MLLT6: variants seen among roughly 807,000 people sequenced by gnomAD.
MLLT6 encodes the protein protein AF-17.
MLLT6 carries 22 observed loss-of-function variants against 103.0 expected under a neutral mutation model. The ratio of observed to expected loss-of-function variants is 0.21; its 90% CI spans 0.15 to 0.31. The LOEUF (loss-of-function observed/expected upper bound fraction) is 0.31, where lower values mean the gene tolerates loss of function less well. MLLT6 is among the 10% of genes least tolerant of loss of function. MLLT6 has a pLI of 1.00. For synonymous variants in MLLT6, 606 were observed against 623.5 expected (o/e 0.97, Z 0.42); for missense variants, 1,199 against 1,441.7 (o/e 0.83, Z 2.73).
chr17:38,713,239 G>A (rs753058328), intron 8 of MLLT6: 1 of 523,058 alleles, frequency 1.9e-6, no homozygotes, highest in Non-Finnish European at 3.4e-6. Context: ...GACCAAGGTG[G>A]CATGGGGGGC....
intron 12 of MLLT6, 127 bp from the exon 13 acceptor site, chr17:38,719,390 T>C (rs1291399691): frequency 1.0e-5 from 9 of 858,558 alleles, no homozygotes; most frequent in Non-Finnish European, 1.5e-5. Flanking sequence ...GAACTGCCAG[T>C]GTGGGGTTGG....
At chr17:38,720,974 G>A (rs1905700017) in intron 16 of MLLT6, 6 of 589,644 alleles carry the variant, frequency 1.0e-5, no homozygotes, top group Non-Finnish European at 1.8e-5. Context: ...TGCTTCTTAA[G>A]ATAGGCTACC....
At position 38,727,843 on chromosome 17, in the gene MLLT6, T is replaced by C. The variant is rs1906117543; in HGVS notation, c.*2245T>C. On this transcript the variant is annotated 3_prime_UTR_variant, in exon 20 of 20. Coordinates refer to ENST00000621332, the MANE Select transcript of MLLT6 (RefSeq NM_005937.4). The stretch of plus-strand genomic sequence containing the variant: ...AACCTTCAGAGATTCTTAGAAGAGT[T>C]GCTCATTCACACCCACGCCCTTGCC... 2 of 232,920 alleles carry C rather than the reference T, an allele frequency of 8.6e-6. No homozygotes were observed. The highest frequency in any genetic ancestry group is 1.7e-5 in the Non-Finnish European group (2 of 117,898). The allele number at this position is 232,920 out of a possible 1,614,324, so 14.4% of individuals were successfully genotyped here.
rs778807032 is a variant in MLLT6 at position 38,722,658 on chromosome 17, A to T, written c.2793-20A>T. ...ATGGTCTGTGTGTTGTCCCCCCCCC[A>T]CCCCCCACCCCCACCTCAGCCTTAC... On this transcript the variant is annotated intron_variant, in intron 17 of 19. Transcript: ENST00000621332. 3.3e-5 allele frequency: 7 copies of T among 214,846 alleles called. No homozygotes were observed. The highest frequency in any genetic ancestry group is 1.6e-4 in the South Asian group (3 of 19,168). 13.3% of individuals were successfully genotyped at this position (214,846 alleles called of 1,614,324 possible). A position where few individuals can be genotyped will look rare whatever the true frequency, so the allele number is the denominator to read the frequency against.
Position 38,709,243 on chromosome 17 carries a change from G to A in MLLT6, c.425G>A (p.Arg142His), listed in dbSNP as rs961523106. 3.1e-6 allele frequency: 5 copies of A among 1,613,514 alleles called. No homozygotes were observed. The highest frequency in any genetic ancestry group is 4.2e-6 in the Non-Finnish European group (5 of 1,179,786). Residue 142 changes from arginine (R) to histidine (H), a missense_variant, in exon 5 of 20, where the codon CGC becomes CAC. Transcript: ENST00000621332. The surrounding 1 kb of genome is among the most constrained non-coding windows in gnomAD (Gnocchi z 4.3). ...AASGACMTCNRHGCRQAFHVT... is the reference protein window; with the variant it reads ...AASGACMTCNHHGCRQAFHVT... ...TCGGGAGCCTGCATGACCTGTAACC[G>A]CCATGGATGTCGACAAGCTTTCCAC...
At chr17:38,713,297 A>G in intron 8 of MLLT6, 1 of 413,824 alleles carries the variant, frequency 2.4e-6, no homozygotes, top group Non-Finnish European at 4.3e-6. Flanking sequence ...CACCATTCCC[A>G]GCAGGGCATG....
Position 38,719,756 on chromosome 17 carries a change from C to T in MLLT6, c.2016C>T (p.Pro672=), listed in dbSNP as rs763361976. ...SPQESLSSMS[P]ISSLPALFDQ... is the part of the protein sequence containing the mutation. ...AGGTTCCCTCTGGCCGCAGGTCCCC[C>T]ATCAGCAGCCTCCCCGCACTCTTCG... Residue 672 remains proline (P), a synonymous_variant, in exon 14 of 20, where the codon CCC becomes CCT. Coordinates refer to ENST00000621332, the MANE Select transcript of MLLT6 (RefSeq NM_005937.4). The T allele has an allele frequency of 1.9e-6, 3 of 1,609,422 alleles. No homozygotes were observed. The highest frequency in any genetic ancestry group is 2.7e-5 in the African/African-American group (2 of 74,806).
At chr17:38,713,471 G>C (rs1317373944) in intron 8 of MLLT6, 1 of 192,864 alleles carries the variant, frequency 5.2e-6, no homozygotes, top group African/African-American at 2.3e-5. Context: ...GGGAGATGGA[G>C]AAACTGCTCC....
Position 38,716,289 on chromosome 17 carries a change from TC to T in MLLT6, c.1037-75del, listed in dbSNP as rs1157947335. 4.1e-6 allele frequency: 6 copies of T among 1,459,930 alleles called. No individual in the cohort carries two copies. In the African/African-American group the frequency reaches 4.3e-5, roughly 10 times the overall value. The allele number at this position is 1,459,930 out of a possible 1,614,324, so 90.4% of individuals were successfully genotyped here. On this transcript the variant is annotated intron_variant, in intron 9 of 19. Coordinates refer to ENST00000621332, the MANE Select transcript of MLLT6 (RefSeq NM_005937.4). The surrounding 1 kb of genome is among the most constrained non-coding windows in gnomAD (Gnocchi z 5.6). ...TCCCCATTCGTGGACCAGAGCTCTC[TC>T]CCGCCAGTACACGCGGGAGTGGGAG...
rs767679345 is a variant in MLLT6 at position 38,726,869 on chromosome 17, C to T, written c.*1271C>T. The T allele has an allele frequency of 4.3e-6, 1 of 233,834 alleles. No individual in the cohort carries two copies. The highest frequency in any genetic ancestry group is 1.3e-3 in the Middle Eastern group (1 of 786). 14.5% of individuals were successfully genotyped at this position (233,834 alleles called of 1,614,324 possible). A position where few individuals can be genotyped will look rare whatever the true frequency, so the allele number is the denominator to read the frequency against. On this transcript the variant is annotated 3_prime_UTR_variant, in exon 20 of 20. Transcript: ENST00000621332. ...CACTAAGCTGACTAACAACTGTCCC[C>T]TCACCCACCAGCTATTTCCCCAGGG...
chr17:38,729,778 C>CAAAAAAAAAAA lies in MLLT6; in HGVS notation c.*4187_*4197dup, dbSNP rs879210230. On this transcript the variant is annotated 3_prime_UTR_variant, in exon 20 of 20. Coordinates refer to ENST00000621332, the MANE Select transcript of MLLT6 (RefSeq NM_005937.4). ...GTTCTTTTAATAAAAGAATGTTTTGCAAAAAAAAAAAAAAAAATCCGAAGA... is the reference window on the plus strand; with the variant it reads ...GTTCTTTTAATAAAAGAATGTTTTGCAAAAAAAAAAAAAAAAAAAAAAAAAAAATCCGAAGA... The CAAAAAAAAAAA allele has an allele frequency of 2.5e-4, 29 of 115,564 alleles. No individual in the cohort carries two copies. The highest frequency in any genetic ancestry group is 1.1e-3 in the African/African-American group (29 of 27,084). 7.2% of individuals were successfully genotyped at this position (115,564 alleles called of 1,614,324 possible).
Position 38,711,908 on chromosome 17 carries a change from T to TG in MLLT6, c.620dup (p.Gly208ArgfsTer42). On this transcript the variant is annotated frameshift_variant, in exon 7 of 20. Transcript: ENST00000621332. LOFTEE classifies it high-confidence loss of function. The stretch of plus-strand genomic sequence containing the variant: ...GGCGCTGGAGGAGGAGGTGGCAGCA[T>TG]GGGGGGAGGTGGCAGTGGTTTCATC... The TG allele has an allele frequency of 6.2e-7, 1 of 1,606,508 alleles. No homozygotes were observed. The highest frequency in any genetic ancestry group is 8.5e-7 in the Non-Finnish European group (1 of 1,176,128).
Position 38,724,550 on chromosome 17 carries a change from C to A in MLLT6, c.2884-70C>A. ...TGTGATGGGGTGGGGCCTGGCCAGG[C>A]AGGGCAGGCAGGCAGCAGGGAAGAG... On this transcript the variant is annotated intron_variant, in intron 18 of 19. Coordinates refer to ENST00000621332, the MANE Select transcript of MLLT6 (RefSeq NM_005937.4). This position sits in a 1 kb window ranked among gnomAD's most constrained non-coding sequence, Gnocchi z 5.4. 1 of 1,261,786 alleles carries A rather than the reference C, an allele frequency of 7.9e-7. No homozygotes were observed. The highest frequency in any genetic ancestry group is 1.1e-6 in the Non-Finnish European group (1 of 912,382). 78.2% of individuals were successfully genotyped at this position (1,261,786 alleles called of 1,614,324 possible). A position where few individuals can be genotyped will look rare whatever the true frequency, so the allele number is the denominator to read the frequency against.
In MLLT6 at chr17:38,710,668, TG is replaced by T. The variant is rs375799583; in HGVS notation, c.552+1099del. Among the ~76,000 whole-genome samples, 320 of 151,872 alleles carry T rather than the reference TG, an allele frequency of 2.1e-3. 1 individual carries two copies. Among genetic ancestry groups the T allele is most frequent in the African/African-American group, 7.2e-3 (296 of 41,384 alleles). On this transcript the variant is annotated intron_variant, in intron 6 of 19. Transcript: ENST00000621332. Reference sequence around the variant, plus strand: ...ACTGGGTAAATGGAGCTTGAATACCTGGGGGGTGCCATGAACAAGGGGTACA... The same window carrying T: ...ACTGGGTAAATGGAGCTTGAATACCTGGGGGTGCCATGAACAAGGGGTACA...
In MLLT6 at chr17:38,724,552, G is replaced by GGGCA; in HGVS notation, c.2884-58_2884-55dup. On this transcript the variant is annotated intron_variant, in intron 18 of 19. Transcript: ENST00000621332. This position sits in a 1 kb window ranked among gnomAD's most constrained non-coding sequence, Gnocchi z 5.4. ...TGATGGGGTGGGGCCTGGCCAGGCA[G>GGGCA]GGCAGGCAGGCAGCAGGGAAGAGAC... is the stretch of plus-strand genomic sequence containing the variant. 11 of 1,283,990 alleles carry GGGCA rather than the reference G, an allele frequency of 8.6e-6. No homozygotes were observed. The highest frequency in any genetic ancestry group is 2.4e-5 in the East Asian group (1 of 41,218). 79.5% of individuals were successfully genotyped at this position (1,283,990 alleles called of 1,614,324 possible). A position where few individuals can be genotyped will look rare whatever the true frequency, so the allele number is the denominator to read the frequency against.
At chr17:38,707,177 CCTCATCTCTGCCTCACG>C in intron 2 of MLLT6, 148 bp downstream of exon 2, 2 of 665,328 alleles carry the variant, frequency 3.0e-6, no homozygotes, top group Non-Finnish European at 2.5e-6. Flanking sequence ...CTACCTCCAA[CCTCATCTCTGCCTCACG>C]CTCATCCCTC....
At chr17:38,713,147 C>G (rs1321461738) in intron 8 of MLLT6, 1 of 667,186 alleles carries the variant, frequency 1.5e-6, no homozygotes. Context: ...AGGACATCCC[C>G]TACGCCCCAT....
chr17:38,721,995 GC>G lies in MLLT6; in HGVS notation c.2564del (p.Pro855LeufsTer49). On this transcript the variant is annotated frameshift_variant, in exon 17 of 20. Transcript: ENST00000621332. LOFTEE classifies it high-confidence loss of function. ...CACTCTGCCCCTGGCCCTGCCTGGG[GC>G]CCCTGCCCCACTCCCGCCCCAGCCG... ...PATLPLALPG[A>X]PAPLPPQPQN... The G allele has an allele frequency of 2.0e-6, 3 of 1,490,410 alleles. No individual in the cohort carries two copies. The highest frequency in any genetic ancestry group is 2.7e-5 in the East Asian group (1 of 37,554). The allele number at this position is 1,490,410 out of a possible 1,614,324, so 92.3% of individuals were successfully genotyped here.
chr17:38,712,654 C>T, intron 7 of MLLT6, 37 bp from the exon 8 acceptor site: 1 of 1,383,340 alleles, frequency 7.2e-7, no homozygotes, highest in South Asian at 1.2e-5. Context: ...CCCAGACAGC[C>T]CCCCAGCACA....
Sources: gnomAD v4.1 joint callset for allele counts (sites outside exome capture counted in the v4.1 genomes callset) on GRCh38, gnomAD v4.1.1 for gene constraint, Gnocchi (gnomAD v3.1) non-coding constraint, MANE v1.5 for transcripts, NCBI Gene and HGNC (gene_info 2026-07-23, HGNC 2026-07-21) for gene names.